Variants in THAP1 observed in about 807,000 individuals in gnomAD.
THAP1 encodes THAP domain-containing protein 1.
THAP1 carries 6 observed loss-of-function variants against 18.2 expected under a neutral mutation model. That is an observed-to-expected ratio of 0.33 (90% CI 0.18 to 0.65). THAP1 has a LOEUF of 0.65. Ranked by LOEUF, THAP1 falls within the 30% of genes least tolerant of loss-of-function variation. The pLI is 0.74. For synonymous variants in THAP1, 85 were observed against 90.5 expected, an observed-to-expected ratio of 0.94 and a Z score of 0.34; for missense variants, 176 against 253.0, an observed-to-expected ratio of 0.70 and a Z score of 2.06.
At chr8:42,840,614 C>A (rs1314583065) in intron 1 of THAP1, among the ~76,000 whole-genome samples, 1 of 152,106 alleles carries the variant, frequency 6.6e-6, no homozygotes, top group African/African-American at 2.4e-5. Context: ...TTTCTTTGTA[C>A]GACATAGCAC....
intron 1 of THAP1, among the ~76,000 whole-genome samples, chr8:42,842,081 T>C (rs1221224558): frequency 6.6e-6 from 1 of 152,262 alleles, no homozygotes; most frequent in Non-Finnish European, 1.5e-5. Context: ...GGCTAATCTG[T>C]ATAGTTTACC....
At chr8:42,841,508 C>A (rs913874143) in intron 1 of THAP1, among the ~76,000 whole-genome samples, 2 of 152,034 alleles carry the variant, frequency 1.3e-5, no homozygotes, top group Non-Finnish European at 2.9e-5. Flanking sequence ...AGGCTGGTCT[C>A]GAACTCCTGA....
In THAP1 at chr8:42,838,180, T is replaced by C. The variant is rs997302546; in HGVS notation, c.424A>G (p.Thr142Ala). The C allele has an allele frequency of 9.3e-6, 15 of 1,614,048 alleles. No homozygotes were observed. The highest frequency in any genetic ancestry group is 1.2e-5 in the Non-Finnish European group (14 of 1,180,048). Residue 142 changes from threonine (T) to alanine (A), a missense_variant, in exon 3 of 3, where the codon ACA becomes GCA. Coordinates refer to ENST00000254250, the MANE Select transcript of THAP1 (RefSeq NM_018105.3). ...FCDHNYTVEDTMHQRKRIHQL... is the reference protein window; with the variant it reads ...FCDHNYTVEDAMHQRKRIHQL... ...TGAATCCTTTTCCGCTGGTGCATTGTATCCTCCACAGTATAGTTGTGGTCA... is the reference window on the plus strand; with the variant it reads ...TGAATCCTTTTCCGCTGGTGCATTGCATCCTCCACAGTATAGTTGTGGTCA...
intron 2 of THAP1, among the ~76,000 whole-genome samples, chr8:42,838,689 A>G (rs1192558140): frequency 3.9e-5 from 6 of 152,162 alleles, no homozygotes; most frequent in Non-Finnish European, 5.9e-5. Context: ...TCTCCAAAAA[A>G]TAAATAAATA....
At chr8:42,841,925 C>G (rs1802725966) in intron 1 of THAP1, among the ~76,000 whole-genome samples, 1 of 152,128 alleles carries the variant, frequency 6.6e-6, no homozygotes. Flanking sequence ...CACATGATAT[C>G]AAACATATTT....
At position 42,838,110 on chromosome 8, in the gene THAP1, G is replaced by C; in HGVS notation, c.494C>G (p.Thr165Ser). The C allele has an allele frequency of 2.5e-6, 4 of 1,614,194 alleles. No individual in the cohort carries two copies. Among genetic ancestry groups the C allele is most frequent in the Non-Finnish European group, 3.4e-6 (4 of 1,180,052 alleles). Residue 165 changes from threonine to serine, a missense_variant, in exon 3 of 3, where the codon ACC becomes AGC. By Grantham distance (58) the Thr-to-Ser change is moderately conservative. Transcript: ENST00000254250. ...QVEKLRKKLK[T>S]AQQRCRRQER... ...TTGCCTTCTGCATCGCTGCTGTGCG[G>C]TCTTGAGCTTCTTTCTGAGTTTTTC... is the stretch of plus-strand genomic sequence containing the variant.
chr8:42,841,599 T>G (rs2128919019), intron 1 of THAP1, among the ~76,000 whole-genome samples: 1 of 152,266 alleles, frequency 6.6e-6, no homozygotes, highest in East Asian at 1.9e-4. Context: ...CAAAAACAGT[T>G]ATTTCCGACG....
At chr8:42,839,876 A>C in intron 1 of THAP1, among the ~76,000 whole-genome samples, 1 of 152,244 alleles carries the variant, frequency 6.6e-6, no homozygotes, top group East Asian at 1.9e-4. Context: ...TTTTATACTG[A>C]GTTCACCAAA....
chr8:42,839,471 T>C, intron 1 of THAP1, 90 bp from the exon 2 acceptor site: 1 of 1,268,568 alleles, frequency 7.9e-7, no homozygotes, highest in Non-Finnish European at 1.1e-6. Context: ...TATCTTACAT[T>C]GGTATTAAAG....
At chr8:42,839,439 C>G (rs1802675896) in intron 1 of THAP1, 58 bp from the exon 2 acceptor site, 1 of 1,561,916 alleles carries the variant, frequency 6.4e-7, no homozygotes, top group African/African-American at 1.4e-5. Flanking sequence ...ATAAAGGCAC[C>G]CAAACTTTCC....
Position 42,843,322 on chromosome 8 carries a change from C to G in THAP1, c.-228G>C. ...CCCATCTCCAAGATGGCGGAGGCAG[C>G]TTCAACCTCACCTCTCGCGAGGGGT... On this transcript the variant is annotated 5_prime_UTR_variant, in exon 1 of 3. Coordinates refer to ENST00000254250, the MANE Select transcript of THAP1 (RefSeq NM_018105.3). The G allele has an allele frequency of 1.7e-6, 1 of 602,546 alleles. No homozygotes were observed. Among genetic ancestry groups the G allele is most frequent in the Non-Finnish European group, 3.0e-6 (1 of 330,374 alleles). The allele number at this position is 602,546 out of a possible 1,614,324, so 37.3% of individuals were successfully genotyped here.
Position 42,843,229 on chromosome 8 carries a change from C to T in THAP1, c.-135G>A. ...AACAGTTACAGTGATGGTGGCCTCC[C>T]TCGGGGGTGACTAGTGTGCCCGTTT... On this transcript the variant is annotated 5_prime_UTR_variant, in exon 1 of 3. Coordinates refer to ENST00000254250, the MANE Select transcript of THAP1 (RefSeq NM_018105.3). 9.5e-7 allele frequency: 1 copy of T among 1,051,416 alleles called. No individual in the cohort carries two copies. The highest frequency in any genetic ancestry group is 1.5e-6 in the Non-Finnish European group (1 of 684,500). 65.1% of individuals were successfully genotyped at this position (1,051,416 alleles called of 1,614,324 possible).
intron 2 of THAP1, 126 bp downstream of exon 2, chr8:42,839,060 A>T: frequency 1.0e-6 from 1 of 974,556 alleles, no homozygotes; most frequent in Non-Finnish European, 1.6e-6. Context: ...GAAGTGTATC[A>T]CTGTTAACTA....
intron 1 of THAP1, chr8:42,842,778 T>C (rs1394497786): frequency 5.2e-6 from 1 of 192,196 alleles, no homozygotes; most frequent in African/African-American, 2.4e-5. Context: ...ACCCAGGCCG[T>C]GAGCGAAGCC....
At chr8:42,841,957 C>T (rs1223432305) in intron 1 of THAP1, among the ~76,000 whole-genome samples, 2 of 152,146 alleles carry the variant, frequency 1.3e-5, no homozygotes, top group Non-Finnish European at 2.9e-5. Flanking sequence ...GGACACTCCC[C>T]TAGTAAACAC....
At chr8:42,842,790 G>T in intron 1 of THAP1, 1 of 198,738 alleles carries the variant, frequency 5.0e-6, no homozygotes, top group Non-Finnish European at 9.8e-6. Flanking sequence ...AGCGAAGCCT[G>T]CAACCAGGGC....
Position 42,837,852 on chromosome 8 carries a change from C to A in THAP1, c.*110G>T. On this transcript the variant is annotated 3_prime_UTR_variant, in exon 3 of 3. Transcript: ENST00000254250. ...ATTTTTTTTAAAAAAATATTCTGAACTGTTTTTATATAAGTAATCAAATGT... is the reference window on the plus strand; with the variant it reads ...ATTTTTTTTAAAAAAATATTCTGAAATGTTTTTATATAAGTAATCAAATGT... 1 of 1,189,948 alleles carries A rather than the reference C, an allele frequency of 8.4e-7. No homozygotes were observed. The highest frequency in any genetic ancestry group is 1.1e-6 in the Non-Finnish European group (1 of 876,582). 73.7% of individuals were successfully genotyped at this position (1,189,948 alleles called of 1,614,324 possible). A position where few individuals can be genotyped will look rare whatever the true frequency, so the allele number is the denominator to read the frequency against.
rs1229540781 is a variant in THAP1, at chr8:42,836,922, A to G, written c.*1040T>C. ...CAGTGTTTAAATCTCCACATTCAGTAAAATAAACGCTACATAGTAGGTTGT... is the reference window on the plus strand; with the variant it reads ...CAGTGTTTAAATCTCCACATTCAGTGAAATAAACGCTACATAGTAGGTTGT... On this transcript the variant is annotated 3_prime_UTR_variant, in exon 3 of 3. Transcript: ENST00000254250. 6.6e-6 allele frequency: 1 copy of G among 152,264 alleles called. No homozygotes were observed. The highest frequency in any genetic ancestry group is 2.4e-5 in the African/African-American group (1 of 41,466). 9.4% of individuals were successfully genotyped at this position (152,264 alleles called of 1,614,324 possible).
At chr8:42,841,100 T>C (rs1490374605) in intron 1 of THAP1, among the ~76,000 whole-genome samples, 3 of 151,992 alleles carry the variant, frequency 2.0e-5, no homozygotes, top group African/African-American at 7.2e-5. Context: ...TATGGTAGCA[T>C]TTGCTGGTAA....
Sources: gnomAD v4.1 joint callset for allele counts (sites outside exome capture counted in the v4.1 genomes callset) on GRCh38, gnomAD v4.1.1 for gene constraint, MANE v1.5 for transcripts, NCBI Gene and HGNC (gene_info 2026-07-23, HGNC 2026-07-21) for gene names.